Variants in C11orf65 observed in about 807,000 individuals in gnomAD.
C11orf65 encodes the protein chromosome 11 open reading frame 65, also known as protein MFI.
Under a neutral mutation model 35.3 loss-of-function variants are expected in C11orf65, and 38 were observed. That is an observed-to-expected ratio of 1.08 (90% CI 0.83 to 1.41). The LOEUF (loss-of-function observed/expected upper bound fraction) is 1.41. Ranked by LOEUF, C11orf65 falls within the 40% of genes most tolerant of loss-of-function variation. C11orf65 has a pLI of 0.00. For synonymous variants in C11orf65, 105 were observed against 114.4 expected, an observed-to-expected ratio of 0.92 and a Z score of 0.53; for missense variants, 370 against 367.1, an observed-to-expected ratio of 1.01 and a Z score of -0.06.
intron 2 of C11orf65, chr11:108,343,473 A>C (rs932951412): frequency 7.2e-6 from 10 of 1,396,528 alleles, no homozygotes; most frequent in Non-Finnish European, 9.9e-6. Flanking sequence ...CTTTAATTTC[A>C]TCAGGTAATT....
At chr11:108,379,631 ATAAAATAAAAT>A (rs1173730673), downstream of C11orf65, among the ~76,000 whole-genome samples, 37 of 151,936 alleles carry the variant, frequency 2.4e-4, no homozygotes, top group African/African-American at 8.9e-4. Context: ...TATAATAATA[ATAAAATAAAAT>A]TAAAAAAAAA....
chr11:108,362,099 C>G (rs1306490672), intron 2 of C11orf65, among the ~76,000 whole-genome samples: 1 of 137,170 alleles, frequency 7.3e-6, no homozygotes, highest in Admixed American at 7.6e-5. Flanking sequence ...AACAAATTTA[C>G]AAGAAAAAAA....
At chr11:108,360,672 A>G (rs2090618827) in intron 2 of C11orf65, among the ~76,000 whole-genome samples, 4 of 148,996 alleles carry the variant, frequency 2.7e-5, no homozygotes, top group Middle Eastern at 3.4e-3. Flanking sequence ...AATCCAGCAT[A>G]TAAACAGAAC....
intron 6 of C11orf65, among the ~76,000 whole-genome samples, chr11:108,310,510 T>G (rs2084060691): frequency 6.6e-6 from 1 of 152,206 alleles, no homozygotes; most frequent in East Asian, 1.9e-4. Flanking sequence ...ATAGGAATGC[T>G]TATTACTTAG....
At chr11:108,415,409 A>C (rs781222294) in intron 3 of C11orf65, among the ~76,000 whole-genome samples, 27 of 152,160 alleles carry the variant, frequency 1.8e-4, no homozygotes, top group Non-Finnish European at 3.5e-4. Flanking sequence ...AAATATATAA[A>C]AATCGATATG....
rs227062 is a variant in C11orf65, at chr11:108,334,656, G to A, written c.299+564C>T. Among the ~76,000 whole-genome samples, 81,793 of 151,994 alleles carry A rather than the reference G, an allele frequency of 0.54. 22,587 individuals are homozygous for A. The highest frequency in any genetic ancestry group is 0.74 in the Middle Eastern group (218 of 294). The stretch of plus-strand genomic sequence containing the variant: ...TATCAGCTAGGTGATTTCGCTGAAT[G>A]TTTCCTTAAAATGCCAGATTTAGCA... On this transcript the variant is annotated intron_variant, in intron 3 of 3. Transcript: ENST00000524755.
intron 6 of C11orf65, among the ~76,000 whole-genome samples, chr11:108,400,948 T>C (rs998751418): frequency 1.6e-4 from 24 of 151,154 alleles, no homozygotes; most frequent in African/African-American, 7.3e-5. Context: ...CTACTAAAAA[T>C]ACAAAAAAAA....
At chr11:108,334,352 A>G (rs535673372) in intron 3 of C11orf65, among the ~76,000 whole-genome samples, 1 of 152,302 alleles carries the variant, frequency 6.6e-6, no homozygotes, top group African/African-American at 2.4e-5. Flanking sequence ...TGGCTGTGAT[A>G]TATCACAGTA....
intron 6 of C11orf65, 89 bp downstream of exon 6, chr11:108,405,340 G>T: frequency 7.4e-7 from 1 of 1,354,092 alleles, no homozygotes. Context: ...TGCAGCTAAT[G>T]CCCTCTTGTG....
chr11:108,316,465 A>G (rs1388557556), intron 6 of C11orf65, among the ~76,000 whole-genome samples: 1 of 151,990 alleles, frequency 6.6e-6, no homozygotes, highest in Non-Finnish European at 1.5e-5. Context: ...TATGTAAACT[A>G]TTTCTCATAG....
chr11:108,437,125 A>G (rs1193963594), intron 2 of C11orf65, among the ~76,000 whole-genome samples: 1 of 148,278 alleles, frequency 6.7e-6, no homozygotes, highest in Non-Finnish European at 1.5e-5. Flanking sequence ...GGGGGTGGAC[A>G]AAATTTTAAA....
chr11:108,357,709 C>T (rs934734169), intron 2 of C11orf65, among the ~76,000 whole-genome samples: 180 of 152,244 alleles, frequency 1.2e-3, no homozygotes, highest in East Asian at 2.5e-3. Flanking sequence ...CGGCAGGGTA[C>T]TCCAACAGAC....
intron 3 of C11orf65, among the ~76,000 whole-genome samples, chr11:108,430,897 AACACACACACACAC>A (rs10588668): frequency 0.019 from 2,792 of 143,848 alleles, 64 homozygotes; most frequent in African/African-American, 0.054. Flanking sequence ...AAGGATAGGG[AACACACACACACAC>A]ACACACACAC....
chr11:108,326,892 A>G (rs1048303597), downstream of C11orf65, among the ~76,000 whole-genome samples: 1 of 152,090 alleles, frequency 6.6e-6, no homozygotes, highest in African/African-American at 2.4e-5. Context: ...GTGGTACGAC[A>G]TCGGCTCACC....
chr11:108,341,184 A>G (rs1047051764), intron 2 of C11orf65, among the ~76,000 whole-genome samples: 2 of 151,900 alleles, frequency 1.3e-5, no homozygotes, highest in South Asian at 2.1e-4. Flanking sequence ...GTCTTTTGCA[A>G]TTGCTTAGAC....
chr11:108,390,756 T>A (rs1490697534), intron 7 of C11orf65, among the ~76,000 whole-genome samples: 1 of 152,218 alleles, frequency 6.6e-6, no homozygotes, highest in Non-Finnish European at 1.5e-5. Context: ...ATTATTACCA[T>A]CTGCATTTGT....
chr11:108,460,717 A>G (rs933544155), intron 2 of C11orf65, among the ~76,000 whole-genome samples: 1 of 150,778 alleles, frequency 6.6e-6, no homozygotes. Flanking sequence ...AAATGTTAAA[A>G]AAGTCTGCTT....
In C11orf65 at chr11:108,365,477, G is replaced by A. The variant is rs1047129530; in HGVS notation, c.226+27731C>T. 1 of 1,614,158 alleles carries A rather than the reference G, an allele frequency of 6.2e-7. No homozygotes were observed. Among genetic ancestry groups the A allele is most frequent in the Non-Finnish European group, 8.5e-7 (1 of 1,180,026 alleles). On this transcript the variant is annotated intron_variant, in intron 2 of 3. Coordinates refer to the C11orf65 transcript ENST00000524755. ...GCCATAGACCCCAAAAATCTCAGCC[G>A]ACTTTTCCCAGGATGGAAAGCTTGG...
chr11:108,372,588 G>C (rs767192276), intron 2 of C11orf65, among the ~76,000 whole-genome samples: 1 of 152,196 alleles, frequency 6.6e-6, no homozygotes, highest in Non-Finnish European at 1.5e-5. Context: ...CTGTTTGCCA[G>C]ATTTATTTTA....
Sources: allele counts gnomAD v4.1 joint callset (sites outside exome capture counted in the v4.1 genomes callset), GRCh38; gene constraint gnomAD v4.1.1; transcripts MANE v1.5; gene names NCBI Gene and HGNC (gene_info 2026-07-23, HGNC 2026-07-21).